C18orf54: variants seen among roughly 807,000 people sequenced by gnomAD.
C18orf54 encodes the protein lung adenoma susceptibility protein 2.
In C18orf54, 49 loss-of-function variants were observed where a neutral mutation model predicts 49.3. That is an observed-to-expected ratio of 0.99 (90% CI 0.79 to 1.26). The LOEUF (loss-of-function observed/expected upper bound fraction) is 1.26. Among genes scored for constraint, C18orf54 ranks in the 50% most tolerant of loss-of-function variants. The pLI, the probability that C18orf54 is intolerant of heterozygous loss-of-function variation, is 0.00. For synonymous variants in C18orf54, 211 were observed against 216.6 expected (o/e 0.97, Z 0.23); for missense variants, 687 against 620.6 (o/e 1.11, Z -1.14).
At chr18:54,370,712 T>C (rs918981569) in intron 6 of C18orf54, among the ~76,000 whole-genome samples, 1 of 152,206 alleles carries the variant, frequency 6.6e-6, no homozygotes, top group African/African-American at 2.4e-5. Context: ...ACAGTTCATA[T>C]GTTTTCTAGT....
intron 6 of C18orf54, among the ~76,000 whole-genome samples, chr18:54,369,017 C>G (rs993061569): frequency 6.6e-6 from 1 of 152,052 alleles, no homozygotes; most frequent in African/African-American, 2.4e-5. Context: ...TTTGAGGAGC[C>G]ATGGTTCTTT....
In C18orf54 at chr18:54,360,511, C is replaced by T. The variant is rs2089243333; in HGVS notation, c.-46-16C>T. On this transcript the variant is annotated splice_polypyrimidine_tract_variant and intron_variant, in intron 2 of 8. Coordinates refer to ENST00000620105, the MANE Select transcript of C18orf54 (RefSeq NM_001288980.2). ...ACTTTTAATTGGCATCTTAACATTTCGTTTTTGTATTACAGTTGTTTTTAA... is the reference window on the plus strand; with the variant it reads ...ACTTTTAATTGGCATCTTAACATTTTGTTTTTGTATTACAGTTGTTTTTAA... The T allele has an allele frequency of 2.6e-6, 4 of 1,530,972 alleles. No homozygotes were observed. In the South Asian group the frequency reaches 3.7e-5, roughly 14 times the overall value. The allele number at this position is 1,530,972 out of a possible 1,614,324, so 94.8% of individuals were successfully genotyped here.
intron 8 of C18orf54, 143 bp from the exon 9 acceptor site, chr18:54,378,031 A>C: frequency 2.3e-6 from 1 of 442,440 alleles, no homozygotes. Context: ...TTTTATAAGG[A>C]ATAAGTCTCA....
rs2144768076 is a variant in C18orf54, at chr18:54,381,237, T to A, written c.*2991T>A. The stretch of plus-strand genomic sequence containing the variant: ...TTATAATCATATGTCCCTAAGATTG[T>A]TTTCCTTTTTTGGACCAAAAAAAAG... On this transcript the variant is annotated 3_prime_UTR_variant, in exon 9 of 9. Transcript: ENST00000620105. The A allele has an allele frequency of 6.6e-6, 1 of 152,218 alleles. No homozygotes were observed. Among genetic ancestry groups the A allele is most frequent in the East Asian group, 1.9e-4 (1 of 5,176 alleles). 9.4% of individuals were successfully genotyped at this position (152,218 alleles called of 1,614,324 possible).
At chr18:54,367,884 C>T (rs2089414888) in intron 6 of C18orf54, among the ~76,000 whole-genome samples, 1 of 151,954 alleles carries the variant, frequency 6.6e-6, no homozygotes. Flanking sequence ...GCTTTCTTTA[C>T]TCTTTTTCCT....
chr18:54,361,631 T>C lies in C18orf54; in HGVS notation c.284-12T>C. On this transcript the variant is annotated splice_polypyrimidine_tract_variant and intron_variant, in intron 3 of 8. Coordinates refer to ENST00000620105, the MANE Select transcript of C18orf54 (RefSeq NM_001288980.2). ...TTGTATGTAATAAACAAAACTGTTC[T>C]TCGTTTTTCAGCTTTTGAAAACCTT... The C allele has an allele frequency of 6.4e-7, 1 of 1,569,084 alleles. No homozygotes were observed.
At chr18:54,373,430 T>C (rs2089522056) in intron 7 of C18orf54, among the ~76,000 whole-genome samples, 1 of 151,838 alleles carries the variant, frequency 6.6e-6, no homozygotes, top group African/African-American at 2.4e-5. Context: ...ATTAGTAATT[T>C]TCAAGTATAC....
rs961181851 is a variant in C18orf54, at chr18:54,362,276, T to C, written c.917T>C (p.Leu306Ser). ...AQGTSRLINKLDCFEYAFEPS... is the reference protein window; with the variant it reads ...AQGTSRLINKSDCFEYAFEPS... ...GGAACTTCTCGGCTTATCAATAAAT[T>C]AGATTGTTTTGAATATGCTTTTGAA... is the stretch of plus-strand genomic sequence containing the variant. The change falls in exon 4 of 9, where the codon TTA becomes TCA. Residue 306 changes from leucine to serine, a missense_variant. Transcript: ENST00000620105. The C allele has an allele frequency of 3.3e-6, 5 of 1,536,272 alleles. No homozygotes were observed. The African/African-American group carries it at 4.1e-5, about 13-fold the overall frequency.
At chr18:54,368,191 C>T (rs781122683) in intron 6 of C18orf54, among the ~76,000 whole-genome samples, 2 of 151,934 alleles carry the variant, frequency 1.3e-5, no homozygotes, top group Admixed American at 6.6e-5. Flanking sequence ...ATTTCCTTTT[C>T]ATTGGAGTCT....
chr18:54,365,600 A>G, intron 5 of C18orf54, 119 bp from the exon 6 acceptor site: 2 of 545,746 alleles, frequency 3.7e-6, no homozygotes, highest in Non-Finnish European at 6.6e-6. Flanking sequence ...AATCATATCC[A>G]TGATGATTAT....
intron 8 of C18orf54, 43 bp downstream of exon 8, chr18:54,374,327 A>T: frequency 1.3e-6 from 2 of 1,514,338 alleles, no homozygotes; most frequent in Non-Finnish European, 1.8e-6. Flanking sequence ...CATCTTAGCC[A>T]TTTCTTTGAC....
intron 3 of C18orf54, among the ~76,000 whole-genome samples, chr18:54,361,216 A>G (rs1003631521): frequency 2.6e-5 from 4 of 152,218 alleles, no homozygotes; most frequent in African/African-American, 9.6e-5. Context: ...GAATGAGAAC[A>G]GCTGTTCTCT....
In C18orf54 at chr18:54,378,884, CTG is replaced by C. The variant is rs2089619994; in HGVS notation, c.*642_*643del. ...TCCTCATTTAATTAGTACTTTGATT[CTG>C]TGTAAGATAATCTTGGTAGTGCTTG... On this transcript the variant is annotated 3_prime_UTR_variant, in exon 9 of 9. Transcript: ENST00000620105. 6.6e-6 allele frequency: 1 copy of C among 152,014 alleles called. No individual in the cohort carries two copies. Among genetic ancestry groups the C allele is most frequent in the Non-Finnish European group, 1.5e-5 (1 of 67,948 alleles). 9.4% of individuals were successfully genotyped at this position (152,014 alleles called of 1,614,324 possible).
At chr18:54,364,155 T>TA (rs781158090) in intron 5 of C18orf54, among the ~76,000 whole-genome samples, 1 of 150,236 alleles carries the variant, frequency 6.7e-6, no homozygotes, top group Non-Finnish European at 1.5e-5. Flanking sequence ...ATATTTTTTT[T>TA]AAACTTGATT....
At position 54,362,261 on chromosome 18, in the gene C18orf54, G is replaced by A. The variant is rs757225478; in HGVS notation, c.902G>A (p.Arg301Gln). 9.8e-6 allele frequency: 15 copies of A among 1,536,192 alleles called. No homozygotes were observed. The African/African-American group carries it at 1.6e-4, about 17-fold the overall frequency. Residue 301 changes from arginine (R) to glutamine (Q), a missense_variant, in exon 4 of 9, where the codon CGG becomes CAG. Arg to Gln is a conservative substitution (Grantham distance 43, BLOSUM62 1). Transcript: ENST00000620105. ...AGTCATCAGGCACAAGGAACTTCTC[G>A]GCTTATCAATAAATTAGATTGTTTT... ...RHSHQAQGTS[R>Q]LINKLDCFEY... is the part of the protein sequence containing the mutation.
At chr18:54,358,267 A>G (rs938133744) in intron 1 of C18orf54, among the ~76,000 whole-genome samples, 192 bp downstream of exon 1, 3 of 152,074 alleles carry the variant, frequency 2.0e-5, no homozygotes, top group Admixed American at 2.0e-4. Flanking sequence ...TGTGGAAGGA[A>G]GAACACTGTA....
At chr18:54,372,343 T>C in intron 6 of C18orf54, 123 bp from the exon 7 acceptor site, 3 of 971,474 alleles carry the variant, frequency 3.1e-6, no homozygotes, top group Non-Finnish European at 4.3e-6. Flanking sequence ...TAAAATACTT[T>C]ATTGACATAC....
In C18orf54 at chr18:54,361,806, C is replaced by G. The variant is rs144058588; in HGVS notation, c.447C>G (p.Ser149Arg). ...YTYVGPSHRT[S>R]KKNKKCRGRL... Reference sequence around the variant, plus strand: ...ATGTTGGACCGAGTCACCGAACGAGCAAGAAAAACAAGAAATGCCGTGGAA... The same window carrying G: ...ATGTTGGACCGAGTCACCGAACGAGGAAGAAAAACAAGAAATGCCGTGGAA... The change falls in exon 4 of 9, where the codon AGC becomes AGG. Residue 149 changes from serine (S) to arginine (R), a missense_variant. By Grantham distance (110) the Ser-to-Arg change is moderately radical (BLOSUM62 -1). Coordinates refer to ENST00000620105, the MANE Select transcript of C18orf54 (RefSeq NM_001288980.2). The G allele has an allele frequency of 1.4e-4, 230 of 1,613,754 alleles. No individual in the cohort carries two copies. The highest frequency in any genetic ancestry group is 6.4e-5 in the Non-Finnish European group (76 of 1,179,966).
intron 6 of C18orf54, among the ~76,000 whole-genome samples, chr18:54,369,270 A>C (rs1420209749): frequency 1.3e-5 from 2 of 152,124 alleles, no homozygotes; most frequent in African/African-American, 4.8e-5. Context: ...CTCTGATTCC[A>C]GTCTAATACT....
Sources: gnomAD v4.1 joint callset for allele counts (sites outside exome capture counted in the v4.1 genomes callset) on GRCh38, gnomAD v4.1.1 for gene constraint, MANE v1.5 for transcripts, NCBI Gene and HGNC (gene_info 2026-07-23, HGNC 2026-07-21) for gene names.